Variants in LOXHD1 observed in about 807,000 individuals in gnomAD.
The protein encoded by LOXHD1 is lipoxygenase homology domain-containing protein 1.
A neutral mutation model predicts 248.2 loss-of-function variants in LOXHD1; 205 were observed. The observed-to-expected ratio is 0.83, with a 90% CI of 0.74 to 0.93. The LOEUF is 0.93. Among genes scored for constraint, LOXHD1 ranks in the 40% least tolerant of loss-of-function variants. The pLI, the probability that LOXHD1 is intolerant of heterozygous loss-of-function variation, is 0.00. For synonymous variants in LOXHD1, 1,113 were observed against 1,162.8 expected, an observed-to-expected ratio of 0.96 and a Z score of 0.87; for missense variants, 2,930 against 2,971.6, an observed-to-expected ratio of 0.99 and a Z score of 0.33.
intron 21 of LOXHD1, among the ~76,000 whole-genome samples, chr18:46,555,789 C>T (rs1401999477): frequency 6.6e-6 from 1 of 152,056 alleles, no homozygotes; most frequent in East Asian, 1.9e-4. Context: ...CATAGACAGT[C>T]TGGAGTTCTG....
chr18:46,626,402 G>A (rs1437310390), intron 4 of LOXHD1, among the ~76,000 whole-genome samples: 2 of 152,168 alleles, frequency 1.3e-5, no homozygotes, highest in African/African-American at 4.8e-5. Context: ...GCCAGGTGTG[G>A]TGGCACATGC....
chr18:46,649,313 A>C, intron 1 of LOXHD1, 44 bp from the exon 2 acceptor site: 1 of 1,505,064 alleles, frequency 6.6e-7, no homozygotes, highest in East Asian at 2.5e-5. Context: ...TCAGAAAAAA[A>C]CCGGAATCCT....
chr18:46,622,990 A>G (rs9963019), intron 4 of LOXHD1, among the ~76,000 whole-genome samples: 14,378 of 152,222 alleles, frequency 0.094, 782 homozygotes, highest in Admixed American at 0.14. Flanking sequence ...TGGGAGAAAC[A>G]GGGCTTAGCG....
Position 46,485,147 on chromosome 18 carries a change from G to A in LOXHD1, c.6054C>T (p.Tyr2018=), listed in dbSNP as rs137944477. 1.9e-5 allele frequency: 29 copies of A among 1,549,468 alleles called. No homozygotes were observed. The highest frequency in any genetic ancestry group is 1.1e-4 in the African/African-American group (8 of 72,312). ...CGTTGCCCGTTTCTATGACGATCTC[G>A]TAGGCTGTAATGGAGGAGGTGGGGG... is the stretch of plus-strand genomic sequence containing the variant. ...KICDELEETT[Y]EIVIETGNGG... is the part of the protein sequence containing the mutation. Residue 2018 remains tyrosine (Y), a synonymous_variant, in exon 39 of 41, where the codon TAC becomes TAT. Transcript: ENST00000642948.
chr18:46,641,576 C>T (rs772100086), intron 3 of LOXHD1, among the ~76,000 whole-genome samples: 4 of 152,136 alleles, frequency 2.6e-5, no homozygotes, highest in Non-Finnish European at 5.9e-5. Context: ...GATGAGGCAC[C>T]ATTTTTACAG....
chr18:46,479,746 G>T (rs1187986413), intron 40 of LOXHD1, among the ~76,000 whole-genome samples: 1 of 139,656 alleles, frequency 7.2e-6, no homozygotes, highest in East Asian at 2.0e-4. Context: ...CCCTATTTTA[G>T]ATGAACATTC....
rs556957960 is a variant in LOXHD1, at chr18:46,560,180, C to T, written c.2964G>A (p.Glu988=). ...AGCGGTGGGCTTCGAACTTGTGCTGCTCAATCACCTCCTGCATCCCCGGCC... is the reference window on the plus strand; with the variant it reads ...AGCGGTGGGCTTCGAACTTGTGCTGTTCAATCACCTCCTGCATCCCCGGCC... ...EFGPGMQEVI[E]QHKFEAHRWL... Residue 988 remains glutamate, a synonymous_variant, in exon 19 of 41, where the codon GAG becomes GAA. Coordinates refer to ENST00000642948, the MANE Select transcript of LOXHD1 (RefSeq NM_001384474.1). 1 of 1,551,708 alleles carries T rather than the reference C, an allele frequency of 6.4e-7. No individual in the cohort carries two copies. The highest frequency in any genetic ancestry group is 1.2e-5 in the South Asian group (1 of 84,048).
rs148411377 is a variant in LOXHD1 at position 46,585,990 on chromosome 18, C to T, written c.1654+5943G>A. Among the ~76,000 whole-genome samples, 1,252 of 152,166 alleles carry T rather than the reference C, an allele frequency of 8.2e-3. 13 individuals are homozygous for T. Among genetic ancestry groups the T allele is most frequent in the Middle Eastern group, 0.017 (5 of 294 alleles). ...TTTATGGCAGCATTATTTACATAAC[C>T]AAAAAGTAGAAACAACATAAATGCT... On this transcript the variant is annotated intron_variant, in intron 12 of 40. Transcript: ENST00000642948.
At chr18:46,601,515 A>G (rs532416256) in intron 7 of LOXHD1, 48 bp from the exon 8 acceptor site, 1 of 1,551,284 alleles carries the variant, frequency 6.4e-7, no homozygotes, top group Non-Finnish European at 8.7e-7. Flanking sequence ...GAGCTGCATC[A>G]TAATATCCCA....
intron 34 of LOXHD1, among the ~76,000 whole-genome samples, chr18:46,513,029 G>A (rs533945726): frequency 1.4e-4 from 21 of 152,262 alleles, no homozygotes; most frequent in African/African-American, 4.6e-4. Context: ...CAGGTGATAT[G>A]AAAGCATAGC....
intron 39 of LOXHD1, 138 bp from the exon 40 acceptor site, chr18:46,483,883 T>A: frequency 9.7e-7 from 1 of 1,031,732 alleles, no homozygotes; most frequent in Non-Finnish European, 1.4e-6. Flanking sequence ...ATGGCAGTCC[T>A]GGAGGCTTTG....
intron 21 of LOXHD1, among the ~76,000 whole-genome samples, chr18:46,553,150 C>T (rs541128213): frequency 2.2e-4 from 33 of 152,370 alleles, no homozygotes; most frequent in Middle Eastern, 3.4e-3. Flanking sequence ...AATAATCCCA[C>T]GCATTCCTGC....
chr18:46,589,234 G>T (rs2038119582), intron 12 of LOXHD1, among the ~76,000 whole-genome samples: 1 of 152,154 alleles, frequency 6.6e-6, no homozygotes, highest in Admixed American at 6.5e-5. Flanking sequence ...TTGTGATTAG[G>T]TACATCTGAA....
chr18:46,504,250 C>A (rs980434749), intron 37 of LOXHD1, among the ~76,000 whole-genome samples: 1 of 152,086 alleles, frequency 6.6e-6, no homozygotes, highest in Non-Finnish European at 1.5e-5. Context: ...GGACTACAGG[C>A]ATAAGCCACC....
chr18:46,626,368 T>A (rs1489741592), intron 4 of LOXHD1, among the ~76,000 whole-genome samples: 1 of 152,026 alleles, frequency 6.6e-6, no homozygotes, highest in Non-Finnish European at 1.5e-5. Flanking sequence ...TAAAACCCTG[T>A]CTCTAATAAA....
intron 18 of LOXHD1, among the ~76,000 whole-genome samples, chr18:46,561,151 A>G (rs2144022022): frequency 6.6e-6 from 1 of 152,186 alleles, no homozygotes; most frequent in Admixed American, 6.5e-5. Context: ...CCCTGAGCAC[A>G]TGGCCTCAGC....
chr18:46,589,273 T>C (rs1471686902), intron 12 of LOXHD1, among the ~76,000 whole-genome samples: 2 of 152,186 alleles, frequency 1.3e-5, no homozygotes, highest in Admixed American at 6.5e-5. Flanking sequence ...GAACCTGTGA[T>C]CAATCCATCA....
intron 21 of LOXHD1, among the ~76,000 whole-genome samples, chr18:46,551,691 G>A (rs1304760865): frequency 6.6e-6 from 1 of 151,976 alleles, no homozygotes; most frequent in Non-Finnish European, 1.5e-5. Context: ...AAAATTTTCT[G>A]ATATCACAAT....
chr18:46,540,994 A>G (rs902965156), intron 25 of LOXHD1, among the ~76,000 whole-genome samples: 1 of 152,254 alleles, frequency 6.6e-6, no homozygotes. Flanking sequence ...ATCTTGTGGT[A>G]CAGTTTATTA....
Sources: allele counts gnomAD v4.1 joint callset (sites outside exome capture counted in the v4.1 genomes callset), GRCh38; gene constraint gnomAD v4.1.1; transcripts MANE v1.5; gene names NCBI Gene and HGNC (gene_info 2026-07-23, HGNC 2026-07-21).